The following CUTC variants were observed in gnomAD, a reference collection of about 807,000 sequenced individuals.
CUTC encodes the protein copper homeostasis protein cutC homolog.
A neutral mutation model predicts 36.2 loss-of-function variants in CUTC; 27 were observed. The observed-to-expected ratio is 0.75, with a 90% confidence interval of 0.55 to 1.03. CUTC has a LOEUF of 1.03. Ranked by LOEUF, CUTC falls within the 50% of genes least tolerant of loss-of-function variation. The pLI is 0.00. For missense variants in CUTC, 315 were observed against 343.5 expected (o/e 0.92, Z 0.66); for synonymous variants, 114 against 118.3 (o/e 0.96, Z 0.24).
intron 5 of CUTC, among the ~76,000 whole-genome samples, chr10:99,746,782 A>C (rs2037380515): frequency 6.6e-6 from 1 of 151,744 alleles, no homozygotes; most frequent in Admixed American, 6.6e-5. Context: ...TTAAATTTTT[A>C]TTTTTCTTTT....
intron 7 of CUTC, among the ~76,000 whole-genome samples, chr10:99,751,640 C>T (rs1018488478): frequency 6.6e-6 from 1 of 152,168 alleles, no homozygotes; most frequent in Non-Finnish European, 1.5e-5. Flanking sequence ...GCCAGATCAC[C>T]TGAGGTCAAG....
chr10:99,732,341 C>G lies in CUTC; in HGVS notation c.-8C>G. ...ACTGCAGGCGCACGAGGGAGGAACG[C>G]GTGGAGCATGAAAAGGCAGGGGGCC... is the stretch of plus-strand genomic sequence containing the variant. On this transcript the variant is annotated 5_prime_UTR_variant, in exon 1 of 9. Transcript: ENST00000370476. The G allele has an allele frequency of 6.4e-7, 1 of 1,552,120 alleles. No individual in the cohort carries two copies. The highest frequency in any genetic ancestry group is 8.7e-7 in the Non-Finnish European group (1 of 1,147,512).
At chr10:99,732,532 C>A in intron 1 of CUTC, 123 bp downstream of exon 1, 3 of 1,488,576 alleles carry the variant, frequency 2.0e-6, no homozygotes, top group South Asian at 1.3e-5. Context: ...GCCCCTTGGG[C>A]GGCACCTTCT....
At chr10:99,739,886 G>A in intron 3 of CUTC, 117 bp downstream of exon 3, 1 of 736,500 alleles carries the variant, frequency 1.4e-6, no homozygotes, top group Non-Finnish European at 2.3e-6. Flanking sequence ...TATGGATGTT[G>A]TATCAGAAAT....
chr10:99,739,878 T>C (rs1590118515), intron 3 of CUTC, 109 bp downstream of exon 3: 2 of 770,284 alleles, frequency 2.6e-6, no homozygotes. Context: ...AACTATGTTA[T>C]GGATGTTGTA....
At chr10:99,734,168 C>A (rs2037271391) in intron 1 of CUTC, among the ~76,000 whole-genome samples, 1 of 149,250 alleles carries the variant, frequency 6.7e-6, no homozygotes, top group Non-Finnish European at 1.5e-5. Flanking sequence ...CTCCCAGGTT[C>A]AAGCAATTCT....
At position 99,753,719 on chromosome 10, in the gene CUTC, A is replaced by G. The variant is rs567310482; in HGVS notation, c.602-810A>G. Among the ~76,000 whole-genome samples, 8 of 152,236 alleles carry G rather than the reference A, an allele frequency of 5.3e-5. No individual in the cohort carries two copies. The East Asian group carries it at 7.7e-4, about 15-fold the overall frequency. ...AGCCACCACACTCAGCCTTTTTTCT[A>G]TTTCTTAAGGCTCAGTGATATTACT... On this transcript the variant is annotated intron_variant, in intron 7 of 8. Coordinates refer to ENST00000370476, the MANE Select transcript of CUTC (RefSeq NM_015960.3).
At chr10:99,749,891 G>A (rs1247828967) in intron 6 of CUTC, among the ~76,000 whole-genome samples, 1 of 152,084 alleles carries the variant, frequency 6.6e-6, no homozygotes, top group Non-Finnish European at 1.5e-5. Context: ...CTCCATGAGA[G>A]CAGGAACTTT....
intron 7 of CUTC, among the ~76,000 whole-genome samples, chr10:99,751,857 CAAAAT>C (rs1452734972): frequency 6.6e-6 from 1 of 152,174 alleles, no homozygotes; most frequent in African/African-American, 2.4e-5. Context: ...GACTCCGTCT[CAAAAT>C]AAAATAAAAG....
chr10:99,752,285 G>A (rs1333917704), intron 7 of CUTC, among the ~76,000 whole-genome samples: 1 of 152,032 alleles, frequency 6.6e-6, no homozygotes, highest in African/African-American at 2.4e-5. Flanking sequence ...TAGAGGCTGA[G>A]GTGGGAGGAT....
chr10:99,732,278 T>G lies in CUTC; in HGVS notation c.-71T>G. On this transcript the variant is annotated 5_prime_UTR_variant, in exon 1 of 9. Transcript: ENST00000370476. Reference sequence around the variant, plus strand: ...GCGCGCGCAGCTGTTGACGCGCTTCTTAGCTGGTGCGCGCCGGAGCCCAAA... The same window carrying G: ...GCGCGCGCAGCTGTTGACGCGCTTCGTAGCTGGTGCGCGCCGGAGCCCAAA... 1 of 1,546,218 alleles carries G rather than the reference T, an allele frequency of 6.5e-7. No homozygotes were observed. Among genetic ancestry groups the G allele is most frequent in the Non-Finnish European group, 8.7e-7 (1 of 1,144,874 alleles).
At chr10:99,732,755 A>G (rs1459769950) in intron 1 of CUTC, among the ~76,000 whole-genome samples, 1 of 152,058 alleles carries the variant, frequency 6.6e-6, no homozygotes, top group Non-Finnish European at 1.5e-5. Flanking sequence ...CTCCGCTGGG[A>G]TAGTTAATTG....
Position 99,755,867 on chromosome 10 carries a change from T to C in CUTC, c.*128T>C. On this transcript the variant is annotated 3_prime_UTR_variant, in exon 9 of 9. Transcript: ENST00000370476. ...CGCAATCTTTGTTTTAAGTTTCACA[T>C]GGCCATGGAGAATGTGCCCAAGAAG... is the stretch of plus-strand genomic sequence containing the variant. 2 of 616,852 alleles carry C rather than the reference T, an allele frequency of 3.2e-6. No individual in the cohort carries two copies. Among genetic ancestry groups the C allele is most frequent in the Non-Finnish European group, 2.9e-6 (1 of 350,664 alleles). 38.2% of individuals were successfully genotyped at this position (616,852 alleles called of 1,614,324 possible).
intron 5 of CUTC, among the ~76,000 whole-genome samples, chr10:99,744,438 G>T (rs947194005): frequency 6.6e-6 from 1 of 152,180 alleles, no homozygotes; most frequent in African/African-American, 2.4e-5. Context: ...AATTGTTGTG[G>T]CTGGTGAAAT....
intron 2 of CUTC, among the ~76,000 whole-genome samples, chr10:99,737,432 G>C (rs1345854031): frequency 2.6e-5 from 4 of 152,076 alleles, no homozygotes; most frequent in Non-Finnish European, 4.4e-5. Context: ...ATCCAAAATA[G>C]GTAAGTTTAT....
chr10:99,742,621 T>A (rs1158523594), intron 3 of CUTC, among the ~76,000 whole-genome samples: 2 of 152,092 alleles, frequency 1.3e-5, no homozygotes. Context: ...AGCCACTTAT[T>A]ATGGCATATT....
Position 99,744,778 on chromosome 10 carries a change from G to A in CUTC, c.439+706G>A, listed in dbSNP as rs561447053. 7.2e-4 allele frequency among the ~76,000 whole-genome samples: 109 copies of A among 152,190 alleles called. 1 individual carries two copies. Among genetic ancestry groups the A allele is most frequent in the South Asian group, 1.5e-3 (7 of 4,826 alleles). ...TTTTTTTTGTTTGTTTGTTTGAGACGGAGTCTCGCTCTGTCGCCTAGGCTG... is the reference window on the plus strand; with the variant it reads ...TTTTTTTTGTTTGTTTGTTTGAGACAGAGTCTCGCTCTGTCGCCTAGGCTG... On this transcript the variant is annotated intron_variant, in intron 5 of 8. Transcript: ENST00000370476.
chr10:99,732,653 C>A, intron 1 of CUTC: 1 of 1,391,944 alleles, frequency 7.2e-7, no homozygotes, highest in Non-Finnish European at 9.3e-7. Flanking sequence ...TCATAACGGC[C>A]CTGCGACCTT....
At chr10:99,745,759 A>G (rs2133673980) in intron 5 of CUTC, among the ~76,000 whole-genome samples, 1 of 152,358 alleles carries the variant, frequency 6.6e-6, no homozygotes, top group Admixed American at 6.5e-5. Context: ...CGGGAGGCTG[A>G]GGCAGGAGAA....
Sources: gnomAD v4.1 joint callset for allele counts (sites outside exome capture counted in the v4.1 genomes callset) on GRCh38, gnomAD v4.1.1 for gene constraint, MANE v1.5 for transcripts, NCBI Gene and HGNC (gene_info 2026-07-23, HGNC 2026-07-21) for gene names.